The following NAV3 variants were observed in gnomAD, a reference collection of about 807,000 sequenced individuals.
NAV3 encodes the protein pore membrane and/or filament interacting like protein 1.
In NAV3, 87 loss-of-function variants were observed where a neutral mutation model predicts 244.7. The ratio of observed to expected loss-of-function variants is 0.36; its 90% confidence interval spans 0.30 to 0.42. The LOEUF is 0.42. Among genes scored for constraint, NAV3 ranks in the 20% least tolerant of loss-of-function variants. The pLI is 1.00. For synonymous variants in NAV3, 1,126 were observed against 1,042.2 expected (o/e 1.08, Z -1.55); for missense variants, 2,663 against 2,893.3 (o/e 0.92, Z 1.83).
intron 12 of NAV3, among the ~76,000 whole-genome samples, chr12:78,081,065 T>C (rs747163476): frequency 3.1e-4 from 46 of 149,618 alleles, no homozygotes; most frequent in South Asian, 2.2e-4. Context: ...CAGAATTTGA[T>C]TTATTAATTT....
intron 12 of NAV3, among the ~76,000 whole-genome samples, chr12:78,078,498 C>T (rs1490704666): frequency 6.8e-6 from 1 of 147,136 alleles, no homozygotes; most frequent in Non-Finnish European, 1.5e-5. Context: ...CGGGTTCACG[C>T]CATTCTCCTG....
chr12:77,724,520 T>G (rs945540887), intron 2 of NAV3, among the ~76,000 whole-genome samples: 1 of 151,880 alleles, frequency 6.6e-6, no homozygotes, highest in Non-Finnish European at 1.5e-5. Flanking sequence ...TATCCTTCCT[T>G]TCAGTGCTAG....
At chr12:78,068,331 C>A (rs1885272653) in intron 12 of NAV3, among the ~76,000 whole-genome samples, 1 of 151,232 alleles carries the variant, frequency 6.6e-6, no homozygotes, top group African/African-American at 2.4e-5. Flanking sequence ...TTTTATCATG[C>A]CTGGATGAAA....
intron 1 of NAV3, among the ~76,000 whole-genome samples, chr12:77,869,066 CA>C (rs911372875): frequency 2.7e-5 from 4 of 148,522 alleles, no homozygotes; most frequent in Non-Finnish European, 4.5e-5. Flanking sequence ...AACAAACAAA[CA>C]AAACTTTAGA....
At chr12:77,785,593 G>A (rs1870869635) in intron 2 of NAV3, among the ~76,000 whole-genome samples, 1 of 152,150 alleles carries the variant, frequency 6.6e-6, no homozygotes, top group African/African-American at 2.4e-5. Context: ...CAAGGAGAAA[G>A]CAGAAACTGA....
chr12:77,670,156 A>T (rs1374716155), intron 2 of NAV3, among the ~76,000 whole-genome samples: 1 of 152,118 alleles, frequency 6.6e-6, no homozygotes, highest in African/African-American at 2.4e-5. Flanking sequence ...ATTCAAGGCT[A>T]TTGTGAACAC....
chr12:78,021,841 C>A lies in NAV3; in HGVS notation c.2002C>A (p.Gln668Lys), dbSNP rs369385796. The A allele has an allele frequency of 1.2e-6, 2 of 1,609,112 alleles. No individual in the cohort carries two copies. Among genetic ancestry groups the A allele is most frequent in the African/African-American group, 2.7e-5 (2 of 74,706 alleles). ...MDLSYSKTAK[Q>K]CLEEISGEDP... ...CTTATCATATAGTAAGACTGCTAAG[C>A]AGTGCCTGGAGGAGATATCTGGTAA... Residue 668 changes from glutamine to lysine, a missense_variant, in exon 9 of 40, where the codon CAG becomes AAG. Physicochemically the swap from Gln to Lys is moderately conservative, Grantham distance 53. Transcript: ENST00000397909.
intron 1 of NAV3, among the ~76,000 whole-genome samples, chr12:77,886,084 T>G (rs1166891006): frequency 1.3e-5 from 2 of 152,116 alleles, no homozygotes; most frequent in Admixed American, 1.3e-4. Flanking sequence ...TAGTCGATAG[T>G]CTCAATCCAG....
chr12:77,713,083 A>G (rs1373109807), intron 2 of NAV3, among the ~76,000 whole-genome samples: 1 of 152,178 alleles, frequency 6.6e-6, no homozygotes, highest in Non-Finnish European at 1.5e-5. Context: ...ACCAACCGAG[A>G]GATTGCCAGG....
At chr12:78,179,205 T>A (rs1229974922) in intron 28 of NAV3, among the ~76,000 whole-genome samples, 1 of 152,084 alleles carries the variant, frequency 6.6e-6, no homozygotes, top group Non-Finnish European at 1.5e-5. Context: ...AATGTTGGAA[T>A]GAAATGTAGT....
At chr12:78,082,214 G>A (rs1329893335) in intron 12 of NAV3, among the ~76,000 whole-genome samples, 3 of 152,204 alleles carry the variant, frequency 2.0e-5, no homozygotes. Flanking sequence ...GTGGAACTGT[G>A]AGTCAATTAA....
At chr12:78,191,770 A>C (rs577821523) in intron 34 of NAV3, among the ~76,000 whole-genome samples, 1 of 152,306 alleles carries the variant, frequency 6.6e-6, no homozygotes. Flanking sequence ...GCCTTTTAGC[A>C]CAGTTTTAAA....
chr12:77,796,016 A>T (rs982461600), intron 2 of NAV3, among the ~76,000 whole-genome samples: 48 of 152,216 alleles, frequency 3.2e-4, no homozygotes, highest in African/African-American at 1.1e-3. Context: ...CGTGCATGGT[A>T]ACACAGAATC....
At chr12:78,147,619 A>T (rs1418858669) in intron 21 of NAV3, among the ~76,000 whole-genome samples, 2 of 151,902 alleles carry the variant, frequency 1.3e-5, no homozygotes, top group African/African-American at 4.8e-5. Context: ...CCGGAAAAAA[A>T]AAAAAAACAG....
At position 78,120,006 on chromosome 12, in the gene NAV3, C is replaced by T. The variant is rs566085511; in HGVS notation, c.3749+61C>T. 72 of 1,244,986 alleles carry T rather than the reference C, an allele frequency of 5.8e-5. No individual in the cohort carries two copies. The Middle Eastern group carries it at 7.8e-4, about 13-fold the overall frequency. The allele number at this position is 1,244,986 out of a possible 1,614,324, so 77.1% of individuals were successfully genotyped here. A position where few individuals can be genotyped will look rare whatever the true frequency, so the allele number is the denominator to read the frequency against. On this transcript the variant is annotated intron_variant, in intron 15 of 39. Transcript: ENST00000397909. The stretch of plus-strand genomic sequence containing the variant: ...AGGATAAATATGTGTTAGACACATA[C>T]ATTACATATAAATGTGTGTATATAT...
intron 31 of NAV3, among the ~76,000 whole-genome samples, chr12:78,187,596 T>C (rs963723037): frequency 2.6e-5 from 4 of 151,928 alleles, no homozygotes; most frequent in Non-Finnish European, 5.9e-5. Context: ...ATGTTTATTA[T>C]AAAATAATTA....
At chr12:77,971,006 T>A (rs2138041097) in intron 5 of NAV3, among the ~76,000 whole-genome samples, 1 of 152,190 alleles carries the variant, frequency 6.6e-6, no homozygotes, top group South Asian at 2.1e-4. Flanking sequence ...CATGTGAAAT[T>A]TATTGTCTAG....
chr12:77,716,768 C>T (rs1045014870), intron 2 of NAV3, among the ~76,000 whole-genome samples: 4 of 151,948 alleles, frequency 2.6e-5, no homozygotes, highest in African/African-American at 9.7e-5. Context: ...CATTTATTCT[C>T]TCTTAATATT....
chr12:77,683,177 A>G (rs1371084368), intron 2 of NAV3, among the ~76,000 whole-genome samples: 2 of 151,984 alleles, frequency 1.3e-5, no homozygotes, highest in Admixed American at 1.3e-4. Context: ...ATCCAGTTTG[A>G]GTTGATATTT....
Sources: allele counts gnomAD v4.1 joint callset (sites outside exome capture counted in the v4.1 genomes callset), GRCh38; gene constraint gnomAD v4.1.1; transcripts MANE v1.5; gene names NCBI Gene and HGNC (gene_info 2026-07-23, HGNC 2026-07-21).